KCNH1: variants seen among roughly 807,000 people sequenced by gnomAD.
KCNH1 encodes the protein potassium voltage-gated channel subfamily H member 1.
KCNH1 carries 27 observed loss-of-function variants against 69.2 expected under a neutral mutation model. That is an observed-to-expected ratio of 0.39 (90% CI 0.29 to 0.54). The LOEUF (loss-of-function observed/expected upper bound fraction) is 0.54. Ranked by LOEUF, KCNH1 falls within the 20% of genes least tolerant of loss-of-function variation. The pLI, the probability that KCNH1 is intolerant of heterozygous loss-of-function variation, is 0.68. For synonymous variants in KCNH1, 456 were observed against 487.7 expected (o/e 0.93, Z 0.86); for missense variants, 798 against 1,261.6 (o/e 0.63, Z 5.57).
chr1:210,780,190 C>T (rs184776444), intron 9 of KCNH1, among the ~76,000 whole-genome samples: 3 of 152,244 alleles, frequency 2.0e-5, no homozygotes, highest in Non-Finnish European at 4.4e-5. Context: ...AACCCTACAA[C>T]TAAGTCTGGA....
intron 7 of KCNH1, among the ~76,000 whole-genome samples, chr1:210,825,832 G>A (rs1032286189): frequency 3.9e-5 from 6 of 152,140 alleles, no homozygotes; most frequent in Non-Finnish European, 4.4e-5. Context: ...CAAAGTGTGC[G>A]TATAGGCATT....
intron 10 of KCNH1, among the ~76,000 whole-genome samples, chr1:210,691,317 A>G (rs1474610944): frequency 6.6e-6 from 1 of 152,218 alleles, no homozygotes; most frequent in African/African-American, 2.4e-5. Context: ...TCCTGGTGAG[A>G]GGAGCTGACA....
At chr1:211,005,810 G>A (rs1689270528) in intron 6 of KCNH1, among the ~76,000 whole-genome samples, 1 of 151,994 alleles carries the variant, frequency 6.6e-6, no homozygotes, top group South Asian at 2.1e-4. Context: ...AAAACACACA[G>A]TAGGGAAAAA....
In KCNH1 at chr1:210,679,677, T is replaced by A. The variant is rs1365712335; in HGVS notation, c.*3604A>T. ...AATGGGATGGGGTGGTATAGTACAT[T>A]TTTACCCCTGCCCAGCCCTCCCCAC... is the stretch of plus-strand genomic sequence containing the variant. On this transcript the variant is annotated 3_prime_UTR_variant, in exon 11 of 11. Coordinates refer to ENST00000271751, the MANE Select transcript of KCNH1 (RefSeq NM_172362.3). 1 of 152,156 alleles carries A rather than the reference T, an allele frequency of 6.6e-6. No homozygotes were observed. The highest frequency in any genetic ancestry group is 1.5e-5 in the Non-Finnish European group (1 of 68,042). 9.4% of individuals were successfully genotyped at this position (152,156 alleles called of 1,614,324 possible).
chr1:210,834,194 C>G (rs1685230170), intron 7 of KCNH1, among the ~76,000 whole-genome samples: 1 of 151,576 alleles, frequency 6.6e-6, no homozygotes, highest in South Asian at 2.1e-4. Flanking sequence ...GGTATATACC[C>G]AAAGGACTAT....
chr1:210,862,197 TG>T lies in KCNH1; in HGVS notation c.1462+57442del. On this transcript the variant is annotated intron_variant, in intron 7 of 10. Transcript: ENST00000271751. ...TTGAGACAAAATTCAGAGATTTGTG[TG>T]CTTCATTGAGCTGGCGCTCCATGGC... 4.0e-6 allele frequency: 5 copies of T among 1,262,480 alleles called. 1 individual carries two copies. The South Asian group carries it at 6.0e-5, about 15-fold the overall frequency. 78.2% of individuals were successfully genotyped at this position (1,262,480 alleles called of 1,614,324 possible).
intron 7 of KCNH1, among the ~76,000 whole-genome samples, chr1:210,917,225 G>GAAAGAC (rs771690002): frequency 5.0e-5 from 4 of 80,596 alleles, no homozygotes; most frequent in Non-Finnish European, 2.5e-5. Context: ...GAGAGAGAGA[G>GAAAGAC]AGAGAGAAAG....
chr1:211,002,419 A>G (rs771770897), intron 6 of KCNH1, among the ~76,000 whole-genome samples: 4 of 151,186 alleles, frequency 2.6e-5, no homozygotes, highest in Admixed American at 1.3e-4. Context: ...TTCATGTAGA[A>G]TGTCCAGTAC....
chr1:210,865,997 C>T (rs1322524675), intron 7 of KCNH1, among the ~76,000 whole-genome samples: 1 of 151,988 alleles, frequency 6.6e-6, no homozygotes, highest in Middle Eastern at 3.2e-3. Context: ...TGTGTATACA[C>T]CAATACAACT....
At chr1:210,759,914 C>T (rs1000334682) in intron 10 of KCNH1, among the ~76,000 whole-genome samples, 2 of 152,154 alleles carry the variant, frequency 1.3e-5, no homozygotes, top group Admixed American at 6.5e-5. Context: ...AAAAACGGGT[C>T]CATACAGCAG....
At chr1:211,088,658 C>T (rs986228410) in intron 4 of KCNH1, among the ~76,000 whole-genome samples, 2 of 152,202 alleles carry the variant, frequency 1.3e-5, no homozygotes, top group African/African-American at 4.8e-5. Context: ...GCGTGGTCTA[C>T]TAGCAGGATT....
intron 7 of KCNH1, among the ~76,000 whole-genome samples, chr1:210,870,987 T>C (rs1392804409): frequency 2.6e-5 from 4 of 152,148 alleles, no homozygotes; most frequent in African/African-American, 9.7e-5. Flanking sequence ...TCCATACTTA[T>C]GGAATAGGGA....
At position 210,930,749 on chromosome 1, in the gene KCNH1, A is replaced by T. The variant is rs189487965; in HGVS notation, c.1033-10680T>A. Among the ~76,000 whole-genome samples, 54 of 152,340 alleles carry T rather than the reference A, an allele frequency of 3.5e-4. 1 individual carries two copies. Among genetic ancestry groups the T allele is most frequent in the African/African-American group, 1.3e-3 (54 of 41,584 alleles). Reference sequence around the variant, plus strand: ...AAATAAGCAGCAGAGTTAATAGACAACCCACAGAGTGGGAGAAAATCTTCA... The same window carrying T: ...AAATAAGCAGCAGAGTTAATAGACATCCCACAGAGTGGGAGAAAATCTTCA... On this transcript the variant is annotated intron_variant, in intron 6 of 10. Coordinates refer to ENST00000271751, the MANE Select transcript of KCNH1 (RefSeq NM_172362.3).
intron 5 of KCNH1, among the ~76,000 whole-genome samples, chr1:211,053,923 T>C (rs575800298): frequency 2.0e-5 from 3 of 152,286 alleles, no homozygotes; most frequent in Admixed American, 6.5e-5. Context: ...GACATTATTT[T>C]TGAAGAACAG....
intron 7 of KCNH1, among the ~76,000 whole-genome samples, chr1:210,838,522 A>G (rs1685334012): frequency 6.6e-6 from 1 of 152,202 alleles, no homozygotes; most frequent in South Asian, 2.1e-4. Flanking sequence ...AGATTTCATG[A>G]TGAAGATACC....
intron 6 of KCNH1, among the ~76,000 whole-genome samples, chr1:210,950,383 A>C (rs1260481145): frequency 5.8e-5 from 3 of 51,466 alleles, no homozygotes; most frequent in African/African-American, 1.5e-4. Flanking sequence ...CCCACCCCAC[A>C]ACAGTCCCCA....
At chr1:210,736,057 T>C (rs933374882) in intron 10 of KCNH1, among the ~76,000 whole-genome samples, 11 of 152,056 alleles carry the variant, frequency 7.2e-5, no homozygotes, top group Non-Finnish European at 1.6e-4. Flanking sequence ...TTTTTAGAGA[T>C]AGGGTCTCAT....
intron 5 of KCNH1, among the ~76,000 whole-genome samples, chr1:211,077,704 C>T (rs951200527): frequency 6.6e-5 from 10 of 152,250 alleles, no homozygotes; most frequent in African/African-American, 1.4e-4. Context: ...CATCAACTAA[C>T]GGACAAAATA....
chr1:210,996,697 C>T (rs1571562637), intron 6 of KCNH1, among the ~76,000 whole-genome samples: 1 of 152,200 alleles, frequency 6.6e-6, no homozygotes, highest in African/African-American at 2.4e-5. Context: ...TCAAGTGGGT[C>T]CTTGACCCCT....
Sources: allele counts gnomAD v4.1 joint callset (sites outside exome capture counted in the v4.1 genomes callset), GRCh38; gene constraint gnomAD v4.1.1; transcripts MANE v1.5; gene names NCBI Gene and HGNC (gene_info 2026-07-23, HGNC 2026-07-21).